PKP4: variants seen among roughly 807,000 people sequenced by gnomAD.
PKP4 encodes the protein plakophilin 4.
In PKP4, 90 loss-of-function variants were observed where a neutral mutation model predicts 145.1. The observed-to-expected ratio is 0.62, with a 90% CI of 0.52 to 0.74. The LOEUF is 0.74. Among genes scored for constraint, PKP4 ranks in the 30% least tolerant of loss-of-function variants. The probability of loss-of-function intolerance (pLI) is 0.00; values close to 1 mark genes in which losing one functional copy is unlikely to be tolerated. For synonymous variants in PKP4, 563 were observed against 577.2 expected (o/e 0.98, Z 0.35); for missense variants, 1,340 against 1,482.7 (o/e 0.90, Z 1.58).
At chr2:158,496,759 CGTGTGTGTGT>C (rs58108158) in intron 1 of PKP4, among the ~76,000 whole-genome samples, 7 of 144,948 alleles carry the variant, frequency 4.8e-5, no homozygotes, top group African/African-American at 1.5e-4. Context: ...CTTCTCTCTC[CGTGTGTGTGT>C]GTGTGTGTGT....
chr2:158,497,343 C>G (rs554027205), intron 1 of PKP4, among the ~76,000 whole-genome samples: 1 of 152,124 alleles, frequency 6.6e-6, no homozygotes, highest in Non-Finnish European at 1.5e-5. Context: ...CTGCCTTTTC[C>G]TCTTGGTTCT....
intron 1 of PKP4, among the ~76,000 whole-genome samples, chr2:158,522,991 A>G (rs1200422570): frequency 2.0e-5 from 3 of 152,058 alleles, no homozygotes; most frequent in Admixed American, 6.5e-5. Context: ...CGCCCACGGA[A>G]TCTCGCTGAT....
At chr2:158,569,664 A>T (rs1320329638) in intron 2 of PKP4, among the ~76,000 whole-genome samples, 5 of 152,088 alleles carry the variant, frequency 3.3e-5, no homozygotes, top group African/African-American at 9.7e-5. Context: ...CTTTTTTTTC[A>T]GTGTTGCCTA....
At chr2:158,587,845 CT>C (rs2048927978) in intron 3 of PKP4, among the ~76,000 whole-genome samples, 1 of 151,590 alleles carries the variant, frequency 6.6e-6, no homozygotes, top group East Asian at 1.9e-4. Context: ...ACTTTGTATA[CT>C]TTTATGTCAA....
chr2:158,668,094 C>T (rs561286629), intron 16 of PKP4, among the ~76,000 whole-genome samples: 4 of 151,848 alleles, frequency 2.6e-5, no homozygotes, highest in African/African-American at 9.7e-5. Context: ...TTGGCTTCCT[C>T]TCAGTGCATT....
chr2:158,540,967 T>C (rs1300856314), intron 2 of PKP4, among the ~76,000 whole-genome samples: 1 of 152,174 alleles, frequency 6.6e-6, no homozygotes, highest in Non-Finnish European at 1.5e-5. Flanking sequence ...TATGAATATA[T>C]GGAATAATTT....
Position 158,626,482 on chromosome 2 carries a change from C to T in PKP4, c.1153+1055C>T, listed in dbSNP as rs1229099635. On this transcript the variant is annotated intron_variant, in intron 7 of 21. Transcript: ENST00000389759. ...GAGATGATGTAGTACATACATTGTT[C>T]TCCCTGCATATTTCACATAAGTACT... Among the ~76,000 whole-genome samples the T allele has an allele frequency of 1.3e-5, 2 of 152,180 alleles. 1 individual carries two copies. Among genetic ancestry groups the T allele is most frequent in the Middle Eastern group, 6.3e-3 (2 of 316 alleles).
chr2:158,593,415 C>T (rs2049440639), intron 3 of PKP4, among the ~76,000 whole-genome samples: 1 of 152,156 alleles, frequency 6.6e-6, no homozygotes, highest in African/African-American at 2.4e-5. Flanking sequence ...TGGGCATAAA[C>T]AGAAGTCATG....
At chr2:158,569,262 C>A (rs2047238270) in intron 2 of PKP4, among the ~76,000 whole-genome samples, 1 of 152,108 alleles carries the variant, frequency 6.6e-6, no homozygotes, top group Non-Finnish European at 1.5e-5. Context: ...TTGGTTTATT[C>A]CTGTTTTGGT....
intron 2 of PKP4, among the ~76,000 whole-genome samples, chr2:158,536,183 G>T (rs2044022396): frequency 6.6e-6 from 1 of 152,062 alleles, no homozygotes; most frequent in Non-Finnish European, 1.5e-5. Flanking sequence ...TGAATATTGA[G>T]CACTGTTTAT....
Position 158,617,816 on chromosome 2 carries a change from A to G in PKP4, c.281-3174A>G, listed in dbSNP as rs186683107. On this transcript the variant is annotated intron_variant, in intron 4 of 21. Coordinates refer to ENST00000389759, the MANE Select transcript of PKP4 (RefSeq NM_003628.6). Reference sequence around the variant, plus strand: ...CCATTTAAATTTCTTTTCATAAATCAGAATAGATTTCAGGATACTTTGATC... The same window carrying G: ...CCATTTAAATTTCTTTTCATAAATCGGAATAGATTTCAGGATACTTTGATC... Among the ~76,000 whole-genome samples the G allele has an allele frequency of 3.3e-3, 501 of 152,386 alleles. 3 individuals are homozygous for G. Among genetic ancestry groups the G allele is most frequent in the African/African-American group, 0.012 (487 of 41,600 alleles).
At chr2:158,468,330 T>C (rs1476686379) in intron 1 of PKP4, among the ~76,000 whole-genome samples, 1 of 152,228 alleles carries the variant, frequency 6.6e-6, no homozygotes, top group East Asian at 1.9e-4. Flanking sequence ...TTTTATCTTT[T>C]GTTACTGTTT....
intron 1 of PKP4, among the ~76,000 whole-genome samples, chr2:158,465,107 G>A (rs1373196885): frequency 1.3e-5 from 2 of 152,186 alleles, no homozygotes. Flanking sequence ...AGGAATCCAT[G>A]ATACATTTTT....
intron 4 of PKP4, among the ~76,000 whole-genome samples, chr2:158,606,750 ATAAT>A (rs1409255778): frequency 1.3e-5 from 2 of 152,202 alleles, no homozygotes; most frequent in East Asian, 1.9e-4. Flanking sequence ...TTAAGAATGC[ATAAT>A]TAATTTATTT....
intron 6 of PKP4, 126 bp from the exon 7 acceptor site, chr2:158,624,752 A>G: frequency 1.5e-6 from 1 of 660,120 alleles, no homozygotes; most frequent in East Asian, 2.9e-5. Flanking sequence ...TAAAAAGGAA[A>G]AGAATCTTAG....
chr2:158,592,563 T>C (rs940910845), intron 3 of PKP4, among the ~76,000 whole-genome samples: 2 of 152,092 alleles, frequency 1.3e-5, no homozygotes, highest in African/African-American at 4.8e-5. Context: ...TGCTCTCTCT[T>C]TTCACACTTA....
intron 1 of PKP4, among the ~76,000 whole-genome samples, chr2:158,525,782 T>TA (rs1185495724): frequency 1.4e-5 from 2 of 143,252 alleles, no homozygotes; most frequent in African/African-American, 5.2e-5. Context: ...ATAGACACAA[T>TA]AAAAAATGAT....
chr2:158,554,210 C>T (rs879367068), intron 2 of PKP4, among the ~76,000 whole-genome samples: 45 of 150,004 alleles, frequency 3.0e-4, no homozygotes, highest in Admixed American at 1.3e-4. Context: ...CACTGTCATT[C>T]GCTGAAGATT....
At chr2:158,627,113 C>G (rs2052874504) in intron 7 of PKP4, among the ~76,000 whole-genome samples, 1 of 152,134 alleles carries the variant, frequency 6.6e-6, no homozygotes, top group South Asian at 2.1e-4. Flanking sequence ...GAAACCACCT[C>G]TTTTTCATTC....
Sources: allele counts gnomAD v4.1 joint callset (sites outside exome capture counted in the v4.1 genomes callset), GRCh38; gene constraint gnomAD v4.1.1; transcripts MANE v1.5; gene names NCBI Gene and HGNC (gene_info 2026-07-23, HGNC 2026-07-21).